AFF4: variants seen among roughly 807,000 people sequenced by gnomAD.
The protein encoded by AFF4 is AF4/FMR2 family member 4.
A neutral mutation model predicts 124.8 loss-of-function variants in AFF4; 13 were observed. The observed-to-expected ratio is 0.10, with a 90% CI of 0.07 to 0.17. The LOEUF (loss-of-function observed/expected upper bound fraction) is 0.17, where lower values mean the gene tolerates loss of function less well. Among genes scored for constraint, AFF4 ranks in the 10% least tolerant of loss-of-function variants. AFF4 has a pLI of 1.00. For missense variants in AFF4, 1,092 were observed against 1,403.8 expected, an observed-to-expected ratio of 0.78 and a Z score of 3.55; for synonymous variants, 477 against 496.1, an observed-to-expected ratio of 0.96 and a Z score of 0.51.
At chr5:132,893,242 T>C (rs1760307407) in intron 11 of AFF4, 124 bp from the exon 12 acceptor site, 2 of 781,476 alleles carry the variant, frequency 2.6e-6, no homozygotes, top group African/African-American at 1.7e-5. Flanking sequence ...AGAAGTACTA[T>C]AATTCATTTA....
chr5:132,885,123 T>C lies in AFF4; in HGVS notation c.3100-4A>G. 1 of 1,592,596 alleles carries C rather than the reference T, an allele frequency of 6.3e-7. No homozygotes were observed. The highest frequency in any genetic ancestry group is 8.5e-7 in the Non-Finnish European group (1 of 1,170,158). On this transcript the variant is annotated splice_region_variant and splice_polypyrimidine_tract_variant and intron_variant, in intron 18 of 20. Coordinates refer to ENST00000265343, the MANE Select transcript of AFF4 (RefSeq NM_014423.4). ...CTTGAGAATTATTATAAGAATTCTG[T>C]GGAAAAAGTAAAATGTACTTAACAA...
intron 7 of AFF4, chr5:132,900,924 C>T: frequency 3.0e-6 from 3 of 984,830 alleles, no homozygotes; most frequent in Non-Finnish European, 3.6e-6. Flanking sequence ...AATCTTCTTT[C>T]ACTCTATTAA....
chr5:132,957,664 G>C (rs554615278), intron 1 of AFF4, among the ~76,000 whole-genome samples: 1 of 152,038 alleles, frequency 6.6e-6, no homozygotes, highest in Non-Finnish European at 1.5e-5. Flanking sequence ...TCCAGGAAGC[G>C]GAGGTTGCAG....
chr5:132,951,396 G>A (rs1469522872), intron 1 of AFF4, among the ~76,000 whole-genome samples: 3 of 152,122 alleles, frequency 2.0e-5, no homozygotes, highest in African/African-American at 4.8e-5. Context: ...AACCACCTTA[G>A]GAAATAAAAG....
intron 5 of AFF4, among the ~76,000 whole-genome samples, chr5:132,912,653 G>T (rs10058987): frequency 6.6e-6 from 1 of 151,854 alleles, no homozygotes; most frequent in Admixed American, 6.6e-5. Flanking sequence ...GAGCCATTGC[G>T]CCCAGCCTAA....
At chr5:132,930,664 AAG>A (rs1342313527) in intron 4 of AFF4, among the ~76,000 whole-genome samples, 4 of 151,970 alleles carry the variant, frequency 2.6e-5, no homozygotes, top group African/African-American at 9.7e-5. Context: ...AAAAATAAAA[AAG>A]AAAATACAAG....
chr5:132,905,079 T>C (rs1250051905), intron 5 of AFF4, among the ~76,000 whole-genome samples: 1 of 152,026 alleles, frequency 6.6e-6, no homozygotes, highest in South Asian at 2.1e-4. Context: ...ATACCACTTT[T>C]ATGGACTAAA....
At chr5:132,949,799 T>C (rs1469363836) in intron 1 of AFF4, among the ~76,000 whole-genome samples, 5 of 141,088 alleles carry the variant, frequency 3.5e-5, no homozygotes, top group African/African-American at 8.0e-5. Flanking sequence ...GAGGCGGAGC[T>C]AGCAGTGAGC....
chr5:132,895,183 G>A (rs1340246738), intron 11 of AFF4, among the ~76,000 whole-genome samples: 3 of 151,926 alleles, frequency 2.0e-5, no homozygotes, highest in East Asian at 1.9e-4. Flanking sequence ...TACTAGTTGA[G>A]CAAAACATCT....
intron 1 of AFF4, among the ~76,000 whole-genome samples, chr5:132,956,961 G>C (rs184308758): frequency 3.5e-5 from 5 of 142,064 alleles, no homozygotes; most frequent in African/African-American, 1.3e-4. Flanking sequence ...TGAAGGTTGT[G>C]GTGAGCCAAG....
rs1294335316 is a variant in AFF4, at chr5:132,932,184, G to T, written c.957C>A (p.Ile319=). 10 of 1,594,838 alleles carry T rather than the reference G, an allele frequency of 6.3e-6. No individual in the cohort carries two copies. Among genetic ancestry groups the T allele is most frequent in the Middle Eastern group, 1.7e-4 (1 of 5,990 alleles). ...TTTTTTTTAAAAAACTTACTTTTAG[G>T]ATTTCATCCACACAGCTCACATCAC... is the stretch of plus-strand genomic sequence containing the variant. The part of the protein sequence containing the change: ...ASGDVSCVDE[I]LKEMTHSWPP... The change falls in exon 4 of 21, where the codon ATC becomes ATA. Residue 319 remains isoleucine, a synonymous_variant. Transcript: ENST00000265343.
At chr5:132,929,932 A>T (rs1359317398) in intron 4 of AFF4, among the ~76,000 whole-genome samples, 1 of 152,224 alleles carries the variant, frequency 6.6e-6, no homozygotes, top group Non-Finnish European at 1.5e-5. Flanking sequence ...AAGGCGGCAG[A>T]AACGGGAAGA....
At chr5:132,888,293 G>T in intron 14 of AFF4, 133 bp from the exon 15 acceptor site, 1 of 683,274 alleles carries the variant, frequency 1.5e-6, no homozygotes, top group Non-Finnish European at 2.4e-6. Context: ...ATTTGTTTCA[G>T]TATTTTCTGA....
At chr5:132,926,278 G>C in intron 5 of AFF4, 1 of 441,408 alleles carries the variant, frequency 2.3e-6, no homozygotes, top group Non-Finnish European at 4.5e-6. Flanking sequence ...TTATTAGGGG[G>C]ACTGGTAAAA....
chr5:132,950,380 C>A (rs765490930), intron 1 of AFF4, among the ~76,000 whole-genome samples: 20 of 152,210 alleles, frequency 1.3e-4, no homozygotes, highest in Non-Finnish European at 2.8e-4. Context: ...GAGGCTGAGG[C>A]AGGAGAATCG....
At chr5:132,938,228 T>C (rs561601343) in intron 1 of AFF4, among the ~76,000 whole-genome samples, 1 of 152,066 alleles carries the variant, frequency 6.6e-6, no homozygotes, top group East Asian at 1.9e-4. Context: ...TCAGAAACTA[T>C]AATTATAAAA....
chr5:132,916,643 C>G (rs1487730093), intron 5 of AFF4, among the ~76,000 whole-genome samples: 2 of 152,130 alleles, frequency 1.3e-5, no homozygotes, highest in African/African-American at 4.8e-5. Context: ...TTCCTCTCAT[C>G]TCTTCGTTTG....
chr5:132,938,901 C>G (rs1389448971), intron 1 of AFF4, among the ~76,000 whole-genome samples: 1 of 136,768 alleles, frequency 7.3e-6, no homozygotes, highest in Non-Finnish European at 1.5e-5. Context: ...TGAGATGGCA[C>G]CACTGCACTC....
chr5:132,909,135 T>G (rs2095340431), intron 5 of AFF4, among the ~76,000 whole-genome samples: 1 of 150,438 alleles, frequency 6.6e-6, no homozygotes, highest in African/African-American at 2.5e-5. Flanking sequence ...TTTTTTTTTT[T>G]TTTTTTTGAG....
Sources: gnomAD v4.1 joint callset for allele counts (sites outside exome capture counted in the v4.1 genomes callset) on GRCh38, gnomAD v4.1.1 for gene constraint, MANE v1.5 for transcripts, NCBI Gene and HGNC (gene_info 2026-07-23, HGNC 2026-07-21) for gene names.